The following TNFSF4 variants were observed in gnomAD, a reference collection of about 807,000 sequenced individuals.
TNFSF4 encodes tumor necrosis factor ligand superfamily member 4.
TNFSF4 carries 4 observed loss-of-function variants against 7.3 expected under a neutral mutation model. The observed-to-expected ratio is 0.55, with a 90% confidence interval of 0.27 to 1.25. The LOEUF (loss-of-function observed/expected upper bound fraction) is 1.25, where lower values mean the gene tolerates loss of function less well. Among genes scored for constraint, TNFSF4 ranks in the 50% most tolerant of loss-of-function variants. The probability of loss-of-function intolerance (pLI) is 0.12; values close to 1 mark genes in which losing one functional copy is unlikely to be tolerated. For missense variants in TNFSF4, 181 were observed against 208.8 expected, an observed-to-expected ratio of 0.87 and a Z score of 0.82; for synonymous variants, 76 against 83.7, an observed-to-expected ratio of 0.91 and a Z score of 0.50.
chr1:173,224,401 G>A, the TNFSF4 span, among the ~76,000 whole-genome samples: 1 of 152,218 alleles, frequency 6.6e-6, no homozygotes, highest in Non-Finnish European at 1.5e-5. Flanking sequence ...GAAGGGAAGT[G>A]ATGCAGCTGG....
At chr1:173,327,368 A>T in the TNFSF4 span, among the ~76,000 whole-genome samples, 13 of 152,298 alleles carry the variant, frequency 8.5e-5, no homozygotes, top group East Asian at 1.2e-3. Flanking sequence ...TGGATTAAAG[A>T]CTTAAATGTT....
At chr1:173,367,866 G>A in the TNFSF4 span, among the ~76,000 whole-genome samples, 3 of 152,210 alleles carry the variant, frequency 2.0e-5, no homozygotes, top group South Asian at 4.1e-4. Flanking sequence ...TTCATACTGA[G>A]AGGTGAAGCC....
At chr1:173,259,037 C>G in the TNFSF4 span, among the ~76,000 whole-genome samples, 1 of 152,170 alleles carries the variant, frequency 6.6e-6, no homozygotes, top group Admixed American at 6.5e-5. Context: ...TGCTTCCTAA[C>G]TGGGTGAGAC....
chr1:173,249,718 G>A, the TNFSF4 span, among the ~76,000 whole-genome samples: 2 of 152,162 alleles, frequency 1.3e-5, no homozygotes, highest in African/African-American at 4.8e-5. Context: ...CCTGCCTTTA[G>A]CAGCAAGACT....
chr1:173,231,214 G>A, the TNFSF4 span, among the ~76,000 whole-genome samples: 6 of 152,068 alleles, frequency 3.9e-5, no homozygotes, highest in African/African-American at 9.7e-5. Flanking sequence ...CTGGCAAACC[G>A]AATCCAGCAG....
the TNFSF4 span, among the ~76,000 whole-genome samples, chr1:173,315,596 C>T: frequency 5.9e-5 from 9 of 152,116 alleles, no homozygotes; most frequent in South Asian, 2.1e-4. Context: ...TGTAAGGACA[C>T]GTGATTAAAG....
chr1:173,407,814 A>T, the TNFSF4 span, among the ~76,000 whole-genome samples: 1 of 151,916 alleles, frequency 6.6e-6, no homozygotes, highest in South Asian at 2.1e-4. Flanking sequence ...GATTTCTGCT[A>T]TGGTTTGACA....
At chr1:173,206,510 C>T (rs1363805178) in intron 1 of TNFSF4, among the ~76,000 whole-genome samples, 1 of 152,184 alleles carries the variant, frequency 6.6e-6, no homozygotes, top group African/African-American at 2.4e-5. Context: ...TGAGTGAGCA[C>T]ATAGGCACAC....
intron 1 of TNFSF4, among the ~76,000 whole-genome samples, chr1:173,192,422 G>A (rs1649525979): frequency 6.6e-6 from 1 of 152,060 alleles, no homozygotes; most frequent in African/African-American, 2.4e-5. Context: ...AAGACATGGA[G>A]GAATATTAAA....
chr1:173,436,886 T>C, the TNFSF4 span, among the ~76,000 whole-genome samples: 1 of 152,212 alleles, frequency 6.6e-6, no homozygotes, highest in Non-Finnish European at 1.5e-5. Context: ...ATGATAGGTT[T>C]CTGTGTAGTG....
the TNFSF4 span, among the ~76,000 whole-genome samples, chr1:173,277,481 T>C: frequency 6.6e-6 from 1 of 152,020 alleles, no homozygotes; most frequent in Non-Finnish European, 1.5e-5. Context: ...AACAAAAATA[T>C]GAGAGGAGAA....
the TNFSF4 span, among the ~76,000 whole-genome samples, chr1:173,372,728 G>A: frequency 1.1e-3 from 170 of 152,268 alleles, no homozygotes; most frequent in African/African-American, 3.6e-3. Flanking sequence ...GATACCAGGC[G>A]CTACTCCTTG....
chr1:173,378,187 T>C, the TNFSF4 span, among the ~76,000 whole-genome samples: 1 of 152,190 alleles, frequency 6.6e-6, no homozygotes, highest in South Asian at 2.1e-4. Flanking sequence ...AGTGCAACTA[T>C]TCTGATCAGC....
At chr1:173,384,495 A>T in the TNFSF4 span, among the ~76,000 whole-genome samples, 1 of 152,088 alleles carries the variant, frequency 6.6e-6, no homozygotes, top group Non-Finnish European at 1.5e-5. Context: ...TTTATTTTAT[A>T]AAAAGCACCA....
At chr1:173,418,598 T>A in the TNFSF4 span, 1 of 151,500 alleles carries the variant, frequency 6.6e-6, no homozygotes, top group Middle Eastern at 3.2e-3. Context: ...ATTTTCCACT[T>A]GTAGGCGTCT....
chr1:173,419,115 A>G, the TNFSF4 span, among the ~76,000 whole-genome samples: 7 of 152,270 alleles, frequency 4.6e-5, no homozygotes, highest in South Asian at 6.2e-4. Flanking sequence ...CAAGGCGGGC[A>G]GATCACGAGG....
At chr1:173,305,254 C>G in the TNFSF4 span, among the ~76,000 whole-genome samples, 3 of 151,884 alleles carry the variant, frequency 2.0e-5, 1 homozygote, top group African/African-American at 7.3e-5. Context: ...CTGTTATTTC[C>G]CATAAATTAT....
the TNFSF4 span, among the ~76,000 whole-genome samples, chr1:173,300,630 T>C: frequency 1.3e-5 from 2 of 151,900 alleles, no homozygotes; most frequent in Admixed American, 1.3e-4. Flanking sequence ...ATGGAATTTT[T>C]TCTACCTTTT....
intron 2 of TNFSF4, among the ~76,000 whole-genome samples, chr1:173,187,932 A>G (rs943084543): frequency 2.0e-5 from 3 of 152,254 alleles, no homozygotes; most frequent in Admixed American, 1.3e-4. Flanking sequence ...CCAGAGGGAC[A>G]TACTTTTGAA....
Sources: gnomAD v4.1 joint callset for allele counts (sites outside exome capture counted in the v4.1 genomes callset) on GRCh38, gnomAD v4.1.1 for gene constraint, MANE v1.5 for transcripts, NCBI Gene and HGNC (gene_info 2026-07-23, HGNC 2026-07-21) for gene names.